BAZ1A: variants seen among roughly 807,000 people sequenced by gnomAD.
BAZ1A encodes bromodomain adjacent to zinc finger domain 1A, also known as bromodomain adjacent to zinc finger domain protein 1A.
Under a neutral mutation model 185.2 loss-of-function variants are expected in BAZ1A, and 50 were observed. The observed-to-expected ratio is 0.27, with a 90% CI of 0.22 to 0.34. The LOEUF is 0.34. Among genes scored for constraint, BAZ1A ranks in the 10% least tolerant of loss-of-function variants. The pLI is 1.00. For synonymous variants in BAZ1A, 571 were observed against 615.6 expected (o/e 0.93, Z 1.07); for missense variants, 1,356 against 1,839.9 (o/e 0.74, Z 4.81).
At chr14:34,850,851 G>A (rs146498299) in intron 3 of BAZ1A, among the ~76,000 whole-genome samples, 6 of 152,204 alleles carry the variant, frequency 3.9e-5, no homozygotes, top group East Asian at 3.9e-4. Context: ...AGATATCTAC[G>A]TTTTGACAGA....
intron 12 of BAZ1A, among the ~76,000 whole-genome samples, chr14:34,787,096 T>C (rs947239231): frequency 6.6e-6 from 1 of 152,098 alleles, no homozygotes; most frequent in Admixed American, 6.5e-5. Flanking sequence ...GGCTCATGCC[T>C]GTAATCTCAG....
In BAZ1A at chr14:34,783,901, G is replaced by A; in HGVS notation, c.1858C>T (p.Leu620Phe). The A allele has an allele frequency of 6.3e-7, 1 of 1,599,260 alleles. No homozygotes were observed. Among genetic ancestry groups the A allele is most frequent in the Non-Finnish European group, 8.5e-7 (1 of 1,175,840 alleles). Residue 620 changes from leucine to phenylalanine, a missense_variant, in exon 15 of 27, where the codon CTC (leucine) becomes TTC (phenylalanine). Around this residue, in one of 7 missense-constraint regions of BAZ1A, gnomAD observed 184 missense variants for 355.1 expected, o/e 0.52. Coordinates refer to ENST00000360310, the MANE Select transcript of BAZ1A (RefSeq NM_013448.3). ...PGEKMKILHA[L>F]CGKLLTLVST... ...ACTAGGGTCAGTAGCTTTCCACAGA[G>A]AGCATGGAGTATCTTCATTTTTTCT...
At position 34,853,957 on chromosome 14, in the gene BAZ1A, T is replaced by C. The variant is rs547184780; in HGVS notation, c.392+8087A>G. Among the ~76,000 whole-genome samples, 868 of 152,354 alleles carry C rather than the reference T, an allele frequency of 5.7e-3. 6 individuals carry two copies. Among genetic ancestry groups the C allele is most frequent in the Middle Eastern group, 0.01 (3 of 294 alleles). ...TACTGGAAATCTAGGAGATAAGTGA[T>C]GTTAAATAACTTGCCAAAAAGTTAT... On this transcript the variant is annotated intron_variant, in intron 3 of 26. Transcript: ENST00000360310.
rs1246976356 is a variant in BAZ1A, at chr14:34,869,120, T to A, written c.113+5372A>T. On this transcript the variant is annotated intron_variant, in intron 2 of 26. Transcript: ENST00000360310. The stretch of plus-strand genomic sequence containing the variant: ...TGCTCGGGAGGCTGAGGCAGGAGAA[T>A]GGCATGAACCCGGGAGGCGGAGTTT... Among the ~76,000 whole-genome samples, 4 of 151,730 alleles carry A rather than the reference T, an allele frequency of 2.6e-5. No homozygotes were observed. The East Asian group carries it at 7.7e-4, about 29-fold the overall frequency.
chr14:34,765,644 C>T (rs1461439613), intron 21 of BAZ1A, among the ~76,000 whole-genome samples: 3 of 152,180 alleles, frequency 2.0e-5, no homozygotes, highest in Non-Finnish European at 2.9e-5. Context: ...GTTACTTCCT[C>T]ATCTCATATA....
chr14:34,810,987 G>C lies in BAZ1A; in HGVS notation c.586C>G (p.Pro196Ala). The C allele has an allele frequency of 6.2e-7, 1 of 1,610,306 alleles. No homozygotes were observed. The highest frequency in any genetic ancestry group is 8.5e-7 in the Non-Finnish European group (1 of 1,178,020). Residue 196 changes from proline to alanine, a missense_variant, in exon 5 of 27, where the codon CCC (proline) becomes GCC (alanine). Pro to Ala is a conservative substitution (Grantham distance 27, BLOSUM62 -1). This residue lies in a region of BAZ1A where 332 missense variants were observed against 395.3 expected (regional missense o/e 0.84). Transcript: ENST00000360310. ...GACTCATGTAATTCTTTTTTAGTGGGTTGCACTTTATACTTGAATAGTAAG... is the reference window on the plus strand; with the variant it reads ...GACTCATGTAATTCTTTTTTAGTGGCTTGCACTTTATACTTGAATAGTAAG... ...DPLLFKYKVQ[P>A]TKKELHESAI...
chr14:34,833,237 C>A (rs949786711), intron 3 of BAZ1A, among the ~76,000 whole-genome samples: 2 of 151,928 alleles, frequency 1.3e-5, no homozygotes, highest in East Asian at 1.9e-4. Flanking sequence ...AAACAAAAAA[C>A]CCCAAGCTTG....
chr14:34,806,599 A>G (rs1334993202), intron 6 of BAZ1A, among the ~76,000 whole-genome samples: 1 of 152,136 alleles, frequency 6.6e-6, no homozygotes, highest in African/African-American at 2.4e-5. Context: ...TTGCATTTTA[A>G]AAAATTACTT....
At chr14:34,791,294 A>T (rs551483483) in intron 12 of BAZ1A, among the ~76,000 whole-genome samples, 3 of 152,218 alleles carry the variant, frequency 2.0e-5, no homozygotes, top group South Asian at 4.1e-4. Context: ...CAAAATTCAA[A>T]TCTGGAATTA....
At chr14:34,796,255 G>A (rs529206028) in intron 9 of BAZ1A, among the ~76,000 whole-genome samples, 2 of 152,240 alleles carry the variant, frequency 1.3e-5, no homozygotes, top group African/African-American at 4.8e-5. Context: ...GGCTGAGGCA[G>A]AAGAAGCCTT....
At chr14:34,856,434 C>A (rs1412630797) in intron 3 of BAZ1A, among the ~76,000 whole-genome samples, 1 of 152,072 alleles carries the variant, frequency 6.6e-6, no homozygotes, top group African/African-American at 2.4e-5. Context: ...CAGGCACATG[C>A]CATCATGCCT....
At chr14:34,807,828 G>A (rs549373013) in intron 5 of BAZ1A, among the ~76,000 whole-genome samples, 38 of 152,204 alleles carry the variant, frequency 2.5e-4, no homozygotes, top group Middle Eastern at 3.4e-3. Flanking sequence ...TTCAAGAGCC[G>A]GGCGCAGTGG....
chr14:34,812,532 T>A (rs1024804690), intron 4 of BAZ1A, among the ~76,000 whole-genome samples: 8 of 152,102 alleles, frequency 5.3e-5, no homozygotes, highest in Non-Finnish European at 1.0e-4. Context: ...GGGAAGACAC[T>A]CTGGGGCAAG....
intron 4 of BAZ1A, chr14:34,816,977 C>T (rs565780267): frequency 2.2e-4 from 48 of 218,270 alleles, no homozygotes; most frequent in Middle Eastern, 1.8e-3. Flanking sequence ...GACAATATAA[C>T]ATTACTGGGC....
At chr14:34,842,958 G>A (rs1237898345) in intron 3 of BAZ1A, among the ~76,000 whole-genome samples, 2 of 151,250 alleles carry the variant, frequency 1.3e-5, no homozygotes, top group Non-Finnish European at 3.0e-5. Context: ...CCCACTCATT[G>A]AATTTACGGG....
intron 2 of BAZ1A, among the ~76,000 whole-genome samples, chr14:34,864,185 C>G (rs1430791790): frequency 6.6e-6 from 1 of 151,876 alleles, no homozygotes; most frequent in Non-Finnish European, 1.5e-5. Flanking sequence ...ATGCTGTTGC[C>G]CAGGCTGGAG....
intron 2 of BAZ1A, among the ~76,000 whole-genome samples, chr14:34,864,955 T>A (rs933574792): frequency 1.3e-5 from 2 of 151,612 alleles, no homozygotes; most frequent in Non-Finnish European, 2.9e-5. Flanking sequence ...TTTTTGCATT[T>A]TCAGTAGAGA....
intron 12 of BAZ1A, among the ~76,000 whole-genome samples, chr14:34,788,421 G>T (rs762939748): frequency 6.6e-6 from 1 of 151,824 alleles, no homozygotes; most frequent in Non-Finnish European, 1.5e-5. Context: ...CTCCCACCTC[G>T]GCCTCCCCAG....
chr14:34,775,594 T>C (rs1279637739), intron 18 of BAZ1A, among the ~76,000 whole-genome samples: 1 of 152,166 alleles, frequency 6.6e-6, no homozygotes, highest in Non-Finnish European at 1.5e-5. Context: ...CCATAATCTG[T>C]CCAAAACTGA....
Sources: gnomAD v4.1 joint callset for allele counts (sites outside exome capture counted in the v4.1 genomes callset) on GRCh38, gnomAD v4.1.1 for gene constraint, gnomAD v4.1.1 regional missense constraint, MANE v1.5 for transcripts, NCBI Gene and HGNC (gene_info 2026-07-23, HGNC 2026-07-21) for gene names.